Variants in ROBO1 observed in about 807,000 individuals in gnomAD.
ROBO1 encodes roundabout guidance receptor 1.
A neutral mutation model predicts 195.9 loss-of-function variants in ROBO1; 149 were observed. That is an observed-to-expected ratio of 0.76 (90% CI 0.67 to 0.87). ROBO1 has a LOEUF of 0.87. Among genes scored for constraint, ROBO1 ranks in the 40% least tolerant of loss-of-function variants. The pLI, the probability that ROBO1 is intolerant of heterozygous loss-of-function variation, is 0.00. For synonymous variants in ROBO1, 816 were observed against 733.2 expected, an observed-to-expected ratio of 1.11 and a Z score of -1.82; for missense variants, 1,933 against 2,068.3, an observed-to-expected ratio of 0.93 and a Z score of 1.27.
At chr3:79,163,618 C>A (rs997543929) in intron 2 of ROBO1, among the ~76,000 whole-genome samples, 1 of 152,048 alleles carries the variant, frequency 6.6e-6, no homozygotes, top group Non-Finnish European at 1.5e-5. Flanking sequence ...TTTTTTACAG[C>A]AGTTGTATCA....
intron 1 of ROBO1, among the ~76,000 whole-genome samples, chr3:79,645,481 G>A (rs1201054434): frequency 6.6e-6 from 1 of 151,970 alleles, no homozygotes; most frequent in African/African-American, 2.4e-5. Flanking sequence ...TAGCCCGGGA[G>A]ACAATTTGAA....
rs917082499 is a variant in ROBO1 at position 79,557,690 on chromosome 3, G to A, written c.88+32134C>T. Among the ~76,000 whole-genome samples the A allele has an allele frequency of 1.3e-4, 16 of 126,122 alleles. No homozygotes were observed. In the Middle Eastern group the frequency reaches 0.012, roughly 92 times the overall value. 82.7% of individuals were successfully genotyped at this position (126,122 alleles called of 152,430 possible). ...TAGATGTTCGGTGACCCGAGATCGC[G>A]CCACTGCACTCCAGCCTGGGCAACA... On this transcript the variant is annotated intron_variant, in intron 2 of 30. Coordinates refer to ENST00000464233, the MANE Select transcript of ROBO1 (RefSeq NM_002941.4).
At chr3:79,478,848 G>A (rs1938679624) in intron 2 of ROBO1, among the ~76,000 whole-genome samples, 1 of 152,102 alleles carries the variant, frequency 6.6e-6, no homozygotes, top group Admixed American at 6.5e-5. Context: ...AGAAACTTGA[G>A]ATTTTTTAAC....
At chr3:78,647,712 A>G (rs575023149) in intron 19 of ROBO1, 57 bp from the exon 20 acceptor site, 442 of 1,366,494 alleles carry the variant, frequency 3.2e-4, no homozygotes, top group Non-Finnish European at 4.4e-4. Context: ...GAAAGGGAAC[A>G]TATCACATTA....
chr3:78,606,940 A>T lies in ROBO1; in HGVS notation c.4537T>A (p.Ser1513Thr). 6.2e-7 allele frequency: 1 copy of T among 1,613,778 alleles called. No homozygotes were observed. Among genetic ancestry groups the T allele is most frequent in the South Asian group, 1.1e-5 (1 of 91,062 alleles). The change falls in exon 29 of 31, where the codon TCT (serine) becomes ACT (threonine). Residue 1513 changes from serine (S) to threonine (T), a missense_variant. By Grantham distance (58) the Ser-to-Thr change is moderately conservative. This residue lies in a region of ROBO1 where 1,737 missense variants were observed against 1,882.5 expected (regional missense o/e 0.92). Transcript: ENST00000464233. The part of the protein sequence containing the change: ...VRPVVVPKLP[S>T]MDARTDRSSD... ...GATCTGTCTGTTCTTGCATCCATAG[A>T]AGGGAGTTTTGGCACCACTACAGGT... is the stretch of plus-strand genomic sequence containing the variant.
intron 8 of ROBO1, chr3:78,693,407 A>T: frequency 7.6e-7 from 1 of 1,310,948 alleles, no homozygotes; most frequent in Non-Finnish European, 1.1e-6. Flanking sequence ...ATAAGGAAAC[A>T]TAAAATGAAA....
intron 2 of ROBO1, among the ~76,000 whole-genome samples, chr3:79,334,299 C>T (rs541921118): frequency 5.9e-5 from 3 of 50,562 alleles, no homozygotes; most frequent in African/African-American, 2.0e-4. Context: ...GAGACTCTGT[C>T]TAAAAAAAAA....
At chr3:79,068,746 C>A (rs1337243798) in intron 3 of ROBO1, among the ~76,000 whole-genome samples, 1 of 151,822 alleles carries the variant, frequency 6.6e-6, no homozygotes, top group Non-Finnish European at 1.5e-5. Context: ...TAAAAAAAAT[C>A]ATCGCCTTAT....
intron 2 of ROBO1, among the ~76,000 whole-genome samples, chr3:79,575,212 T>TATATAAATATATATATAACAA (rs1560007377): frequency 3.6e-5 from 2 of 55,276 alleles, no homozygotes; most frequent in African/African-American, 1.7e-4. Context: ...ATATAACAGA[T>TATATAAATATATATATAACAA]ATATATATAT....
rs376049948 is a variant in ROBO1 at position 78,925,947 on chromosome 3, T to C, written c.499+12654A>G. Among the ~76,000 whole-genome samples, 6 of 151,988 alleles carry C rather than the reference T, an allele frequency of 3.9e-5. No individual in the cohort carries two copies. In the East Asian group the frequency reaches 7.7e-4, roughly 20 times the overall value. ...GTACAATGGCGCCATCTCAGCTCAC[T>C]GCAACCTCCGCCTCCCAGGTTCAAG... On this transcript the variant is annotated intron_variant, in intron 4 of 30. Transcript: ENST00000464233.
chr3:79,302,412 G>A (rs2033003595), intron 2 of ROBO1, among the ~76,000 whole-genome samples: 1 of 152,132 alleles, frequency 6.6e-6, no homozygotes. Context: ...TTAGGGATAG[G>A]TATGTCATAA....
At chr3:79,617,409 T>C (rs1056728980) in intron 1 of ROBO1, among the ~76,000 whole-genome samples, 2 of 152,138 alleles carry the variant, frequency 1.3e-5, no homozygotes, top group African/African-American at 4.8e-5. Flanking sequence ...ATATGCCCAA[T>C]ACATTGTTGC....
Position 78,717,812 on chromosome 3 carries a change from G to A in ROBO1, c.729C>T (p.Thr243=), listed in dbSNP as rs761643944. The change falls in exon 6 of 31, where the codon ACC becomes ACT. Residue 243 remains threonine, a synonymous_variant. Transcript: ENST00000464233. The stretch of plus-strand genomic sequence containing the variant: ...CACTCTCACGTTCCCCAACCATATT[G>A]GTACCAACACAAACATATTTGCCAG... ...SDAGKYVCVG[T]NMVGERESEV... is the part of the protein sequence containing the mutation. 6.2e-7 allele frequency: 1 copy of A among 1,613,574 alleles called. No individual in the cohort carries two copies. Among genetic ancestry groups the A allele is most frequent in the South Asian group, 1.1e-5 (1 of 91,054 alleles).
intron 1 of ROBO1, among the ~76,000 whole-genome samples, chr3:79,644,437 T>C (rs1382278914): frequency 6.6e-6 from 1 of 152,176 alleles, no homozygotes; most frequent in East Asian, 1.9e-4. Flanking sequence ...CAGTTCCATG[T>C]GGCTGGGGAA....
At chr3:79,120,197 CAA>C (rs1201502300) in intron 3 of ROBO1, among the ~76,000 whole-genome samples, 2 of 151,926 alleles carry the variant, frequency 1.3e-5, no homozygotes, top group African/African-American at 4.8e-5. Context: ...GAGAAAAAAA[CAA>C]AGAGTTAGAA....
chr3:78,706,018 G>T (rs1375017780), intron 8 of ROBO1, among the ~76,000 whole-genome samples: 1 of 141,396 alleles, frequency 7.1e-6, no homozygotes, highest in Admixed American at 6.9e-5. Context: ...AGTAAACAAT[G>T]AGACTAACAA....
intron 1 of ROBO1, among the ~76,000 whole-genome samples, chr3:79,742,982 A>G (rs1576308802): frequency 1.3e-5 from 2 of 152,218 alleles, no homozygotes; most frequent in Admixed American, 6.5e-5. Context: ...TTGAAAATGT[A>G]TTAGCCCATT....
intron 2 of ROBO1, chr3:79,512,670 A>T (rs1047209821): frequency 6.6e-6 from 1 of 152,190 alleles, no homozygotes; most frequent in African/African-American, 2.4e-5. Context: ...ACAATAGAAT[A>T]ATACATTCCA....
intron 2 of ROBO1, among the ~76,000 whole-genome samples, chr3:79,333,129 A>T (rs181186923): frequency 2.2e-3 from 340 of 151,458 alleles, no homozygotes; most frequent in Non-Finnish European, 3.6e-3. Flanking sequence ...CTTGAACCTG[A>T]GAGGCGGAGG....
Sources: allele counts gnomAD v4.1 joint callset (sites outside exome capture counted in the v4.1 genomes callset), GRCh38; gene constraint gnomAD v4.1.1; regional missense constraint gnomAD v4.1.1; transcripts MANE v1.5; gene names NCBI Gene and HGNC (gene_info 2026-07-23, HGNC 2026-07-21).